The following EDAR variants were observed in gnomAD, a reference collection of about 807,000 sequenced individuals.
EDAR encodes ectodysplasin A receptor, also known as tumor necrosis factor receptor superfamily member EDAR.
EDAR carries 38 observed loss-of-function variants against 51.3 expected under a neutral mutation model. The observed-to-expected ratio is 0.74, with a 90% CI of 0.57 to 0.97. EDAR has a LOEUF of 0.97. EDAR is among the 50% of genes least tolerant of loss of function. The probability of loss-of-function intolerance (pLI) is 0.00; values close to 1 mark genes in which losing one functional copy is unlikely to be tolerated. For synonymous variants in EDAR, 227 were observed against 242.1 expected, an observed-to-expected ratio of 0.94 and a Z score of 0.58; for missense variants, 528 against 595.0, an observed-to-expected ratio of 0.89 and a Z score of 1.17.
At chr2:108,945,374 A>G (rs1219038847) in intron 1 of EDAR, among the ~76,000 whole-genome samples, 2 of 152,212 alleles carry the variant, frequency 1.3e-5, no homozygotes, top group Admixed American at 6.5e-5. Flanking sequence ...AGAGCCCCCA[A>G]GCAACGCCAA....
intron 4 of EDAR, among the ~76,000 whole-genome samples, chr2:108,927,128 GTCCCCA>G (rs1697271518): frequency 6.6e-6 from 1 of 152,190 alleles, no homozygotes; most frequent in Admixed American, 6.5e-5. Flanking sequence ...CCTGGAAACT[GTCCCCA>G]TCGTCTGCAC....
intron 1 of EDAR, among the ~76,000 whole-genome samples, chr2:108,975,309 C>T (rs1352015629): frequency 6.6e-6 from 1 of 152,180 alleles, no homozygotes; most frequent in Admixed American, 6.5e-5. Flanking sequence ...TGCCTGGGTT[C>T]CCACCCGTGT....
chr2:108,909,626 C>A (rs899995898), intron 9 of EDAR, among the ~76,000 whole-genome samples: 2 of 152,158 alleles, frequency 1.3e-5, no homozygotes, highest in African/African-American at 4.8e-5. Context: ...GCAGGGGGGT[C>A]CGAGCACATT....
At chr2:108,962,700 A>AAAGAG (rs1558835282) in intron 1 of EDAR, among the ~76,000 whole-genome samples, 2 of 128,858 alleles carry the variant, frequency 1.6e-5, no homozygotes, top group African/African-American at 3.0e-5. Flanking sequence ...AAAAAAAAAA[A>AAAGAG]AGAGAGAAAG....
chr2:108,938,017 A>G (rs1419299873), intron 1 of EDAR, among the ~76,000 whole-genome samples: 1 of 152,202 alleles, frequency 6.6e-6, no homozygotes. Flanking sequence ...AATATAATGC[A>G]TGAAACACTT....
chr2:108,931,154 T>A (rs1697359665), intron 1 of EDAR, 122 bp from the exon 2 acceptor site: 1 of 798,714 alleles, frequency 1.3e-6, no homozygotes, highest in African/African-American at 1.7e-5. Context: ...AAACTATACA[T>A]CCTAAAAGAA....
At chr2:108,911,639 G>T (rs560012945) in intron 6 of EDAR, among the ~76,000 whole-genome samples, 1 of 152,180 alleles carries the variant, frequency 6.6e-6, no homozygotes, top group Non-Finnish European at 1.5e-5. Flanking sequence ...GGGGGATTTT[G>T]CTCAGTTCCC....
intron 1 of EDAR, among the ~76,000 whole-genome samples, chr2:108,987,609 A>G (rs1438971305): frequency 6.6e-6 from 1 of 152,248 alleles, no homozygotes; most frequent in Non-Finnish European, 1.5e-5. Flanking sequence ...TTTTCCTCCC[A>G]AAGACTGGTC....
chr2:108,969,628 C>A (rs369325861), intron 1 of EDAR, among the ~76,000 whole-genome samples: 1 of 152,088 alleles, frequency 6.6e-6, no homozygotes, highest in African/African-American at 2.4e-5. Context: ...TCATTAAGTA[C>A]AGGAATTTTG....
chr2:108,961,501 T>C (rs1698041803), intron 1 of EDAR, among the ~76,000 whole-genome samples: 1 of 152,096 alleles, frequency 6.6e-6, no homozygotes, highest in African/African-American at 2.4e-5. Context: ...CAGAGGGAGG[T>C]AGAGCTCCTG....
chr2:108,936,447 C>T (rs1697470939), intron 1 of EDAR, among the ~76,000 whole-genome samples: 1 of 150,454 alleles, frequency 6.6e-6, no homozygotes, highest in Non-Finnish European at 1.5e-5. Flanking sequence ...TGGCAACTGC[C>T]TGTGTCTGGG....
intron 5 of EDAR, among the ~76,000 whole-genome samples, chr2:108,914,175 G>A (rs565406930): frequency 2.6e-5 from 4 of 151,844 alleles, no homozygotes; most frequent in South Asian, 4.2e-4. Flanking sequence ...TAGGAGAATC[G>A]CTTGAACCCG....
intron 1 of EDAR, among the ~76,000 whole-genome samples, chr2:108,946,475 C>A (rs530226537): frequency 6.6e-6 from 1 of 152,320 alleles, no homozygotes; most frequent in South Asian, 2.1e-4. Context: ...GCTCTCTGGC[C>A]AAACACATAT....
intron 5 of EDAR, among the ~76,000 whole-genome samples, chr2:108,916,216 C>T (rs896165991): frequency 2.0e-5 from 3 of 152,204 alleles, no homozygotes; most frequent in Non-Finnish European, 2.9e-5. Context: ...TTCAGTAAGG[C>T]GCTCAAGGGA....
chr2:108,954,528 A>G (rs778520036), intron 1 of EDAR, among the ~76,000 whole-genome samples: 3 of 152,108 alleles, frequency 2.0e-5, no homozygotes, highest in Non-Finnish European at 4.4e-5. Flanking sequence ...TGTGAGCCAC[A>G]TGCTTTGCTC....
intron 1 of EDAR, among the ~76,000 whole-genome samples, chr2:108,947,282 A>G (rs1384072157): frequency 6.6e-6 from 1 of 152,158 alleles, no homozygotes; most frequent in Non-Finnish European, 1.5e-5. Flanking sequence ...TCTGCAGGGT[A>G]CAGCTCCTGT....
intron 1 of EDAR, among the ~76,000 whole-genome samples, chr2:108,957,190 C>A (rs927291365): frequency 6.6e-6 from 1 of 152,258 alleles, no homozygotes; most frequent in Non-Finnish European, 1.5e-5. Flanking sequence ...GTGCCACTGA[C>A]AACCAGTTCC....
chr2:108,929,464 G>A (rs1025880367), intron 3 of EDAR, 85 bp from the exon 4 acceptor site: 8 of 1,409,406 alleles, frequency 5.7e-6, no homozygotes, highest in Non-Finnish European at 5.0e-6. Flanking sequence ...GGGCAGTGAC[G>A]TGCCAGCTGT....
intron 4 of EDAR, among the ~76,000 whole-genome samples, chr2:108,926,698 G>A (rs993329264): frequency 4.6e-5 from 7 of 152,142 alleles, no homozygotes; most frequent in Admixed American, 6.5e-5. Context: ...GGAAAGCCTC[G>A]GGTGCTGCTC....
Sources: gnomAD v4.1 joint callset for allele counts (sites outside exome capture counted in the v4.1 genomes callset) on GRCh38, gnomAD v4.1.1 for gene constraint, MANE v1.5 for transcripts, NCBI Gene and HGNC (gene_info 2026-07-23, HGNC 2026-07-21) for gene names.